The following ABLIM1 variants were observed in gnomAD, a reference collection of about 807,000 sequenced individuals.
ABLIM1 encodes the protein actin binding LIM protein 1, also known as actin-binding LIM protein 1.
Under a neutral mutation model 107.0 loss-of-function variants are expected in ABLIM1, and 40 were observed. The observed-to-expected ratio is 0.37, with a 90% confidence interval of 0.29 to 0.49. The LOEUF (loss-of-function observed/expected upper bound fraction) is 0.49, where lower values mean the gene tolerates loss of function less well. Ranked by LOEUF, ABLIM1 falls within the 20% of genes least tolerant of loss-of-function variation. The probability of loss-of-function intolerance (pLI) is 0.97; values close to 1 mark genes in which losing one functional copy is unlikely to be tolerated. For synonymous variants in ABLIM1, 357 were observed against 357.3 expected, an observed-to-expected ratio of 1.00 and a Z score of 0.01; for missense variants, 857 against 1,008.5, an observed-to-expected ratio of 0.85 and a Z score of 2.04.
the ABLIM1 span, among the ~76,000 whole-genome samples, chr10:114,791,465 C>T: frequency 0.37 from 55,718 of 151,644 alleles, 11,569 homozygotes; most frequent in Non-Finnish European, 0.48. Flanking sequence ...GGTGAAACCC[C>T]GTCTCTACTA....
chr10:114,684,242 C>T (rs995211479), intron 1 of ABLIM1: 3 of 1,564,606 alleles, frequency 1.9e-6, no homozygotes, highest in East Asian at 2.3e-5. Context: ...AAGACACGGT[C>T]GACCCCAGAC....
chr10:114,516,504 A>G (rs1475624928), intron 6 of ABLIM1, among the ~76,000 whole-genome samples: 1 of 152,154 alleles, frequency 6.6e-6, no homozygotes, highest in African/African-American at 2.4e-5. Flanking sequence ...AGCCTGGGTG[A>G]CAGAGCAAGA....
At chr10:114,453,513 T>A in intron 12 of ABLIM1, 30 bp from the exon 13 acceptor site, 3 of 1,478,630 alleles carry the variant, frequency 2.0e-6, no homozygotes, top group Non-Finnish European at 1.8e-6. Flanking sequence ...AAAAACAAAA[T>A]GAGAGAAGGG....
At chr10:114,612,590 A>C (rs2076882904) in intron 1 of ABLIM1, among the ~76,000 whole-genome samples, 1 of 152,236 alleles carries the variant, frequency 6.6e-6, no homozygotes, top group African/African-American at 2.4e-5. Flanking sequence ...CATTACAAAA[A>C]TCCCTTCTGA....
intron 2 of ABLIM1, among the ~76,000 whole-genome samples, chr10:114,599,039 T>C (rs2075735292): frequency 6.6e-6 from 1 of 152,138 alleles, no homozygotes; most frequent in Admixed American, 6.5e-5. Flanking sequence ...GGATAAGGCA[T>C]GGGGAACCTA....
At chr10:114,439,093 G>A in intron 21 of ABLIM1, 83 bp downstream of exon 21, 1 of 1,527,372 alleles carries the variant, frequency 6.5e-7, no homozygotes, top group Non-Finnish European at 9.1e-7. Flanking sequence ...ACAACACTTT[G>A]AGAATGATGA....
chr10:114,688,027 G>A (rs749081256), upstream of ABLIM1, among the ~76,000 whole-genome samples: 2 of 151,990 alleles, frequency 1.3e-5, no homozygotes, highest in Non-Finnish European at 2.9e-5. Context: ...TTAGGTTGGG[G>A]CAAAAGTCAT....
rs186959819 is a variant in ABLIM1 at position 114,438,245 on chromosome 10, C to T, written c.2143-321G>A. On this transcript the variant is annotated intron_variant, in intron 21 of 22. Transcript: ENST00000533213. ...TAGAAGATAATGGAAATTACAGGCACGTGTTTTTTGTTTTTGTTTTTCTTT... is the reference window on the plus strand; with the variant it reads ...TAGAAGATAATGGAAATTACAGGCATGTGTTTTTTGTTTTTGTTTTTCTTT... Among the ~76,000 whole-genome samples, 22 of 152,128 alleles carry T rather than the reference C, an allele frequency of 1.4e-4. No individual in the cohort carries two copies. The East Asian group carries it at 3.9e-3, about 27-fold the overall frequency.
intron 2 of ABLIM1, among the ~76,000 whole-genome samples, chr10:114,576,539 G>A (rs1401755567): frequency 2.0e-5 from 3 of 152,152 alleles, no homozygotes; most frequent in African/African-American, 7.2e-5. Context: ...GACAAGGTGA[G>A]TTCAATCAGT....
At chr10:114,440,503 T>A (rs1346522512) in intron 19 of ABLIM1, among the ~76,000 whole-genome samples, 1 of 152,128 alleles carries the variant, frequency 6.6e-6, no homozygotes, top group Non-Finnish European at 1.5e-5. Context: ...TGGAGTGCAG[T>A]GGCATGAACA....
intron 8 of ABLIM1, among the ~76,000 whole-genome samples, chr10:114,479,259 T>G (rs1161716139): frequency 1.3e-5 from 2 of 152,188 alleles, no homozygotes; most frequent in African/African-American, 4.8e-5. Flanking sequence ...GGGATTAGAC[T>G]AGGTTTCTCA....
In ABLIM1 at chr10:114,545,055, C is replaced by T. The variant is rs751544003; in HGVS notation, c.844G>A (p.Gly282Arg). The change falls in exon 6 of 23, where the codon GGG becomes AGG. Residue 282 changes from glycine to arginine, a missense_variant. Physicochemically the swap from Gly to Arg is moderately radical, Grantham distance 125. This residue lies in a region of ABLIM1 where 381 missense variants were observed against 506.9 expected (regional missense o/e 0.75). Coordinates refer to ENST00000533213, the MANE Select transcript of ABLIM1 (RefSeq NM_002313.7). ...YCEKDYQGLF[G>R]VKCEACHQFI... is the part of the protein sequence containing the mutation. Reference sequence around the variant, plus strand: ...TGGTGACACGCCTCACATTTCACCCCAAAGAGTCCCTGGTAGTCCTTTTCA... The same window carrying T: ...TGGTGACACGCCTCACATTTCACCCTAAAGAGTCCCTGGTAGTCCTTTTCA... The T allele has an allele frequency of 6.2e-7, 1 of 1,614,042 alleles. No individual in the cohort carries two copies. The highest frequency in any genetic ancestry group is 1.7e-5 in the Admixed American group (1 of 60,006).
At chr10:114,494,866 G>A (rs1212500217) in intron 6 of ABLIM1, among the ~76,000 whole-genome samples, 4 of 152,190 alleles carry the variant, frequency 2.6e-5, no homozygotes, top group East Asian at 3.9e-4. Context: ...AATAAAATGG[G>A]TAGAAATAAT....
At chr10:114,491,674 T>G in intron 7 of ABLIM1, 117 bp downstream of exon 7, 1 of 954,184 alleles carries the variant, frequency 1.0e-6, no homozygotes, top group Non-Finnish European at 1.6e-6. Flanking sequence ...TCTTCTTGGA[T>G]TTGGGTAGCC....
At chr10:114,569,812 G>T (rs1367271984) in intron 4 of ABLIM1, among the ~76,000 whole-genome samples, 1 of 152,150 alleles carries the variant, frequency 6.6e-6, no homozygotes, top group Non-Finnish European at 1.5e-5. Flanking sequence ...TTGCTTTGTA[G>T]CTGTCATCCT....
chr10:114,652,848 G>T (rs2141114829), intron 1 of ABLIM1, among the ~76,000 whole-genome samples: 1 of 152,352 alleles, frequency 6.6e-6, no homozygotes, highest in Admixed American at 6.5e-5. Flanking sequence ...CTACAGGAGA[G>T]TAAGGGAACA....
At chr10:114,664,603 G>A (rs1379703404) in intron 1 of ABLIM1, among the ~76,000 whole-genome samples, 1 of 151,638 alleles carries the variant, frequency 6.6e-6, no homozygotes, top group Admixed American at 6.6e-5. Flanking sequence ...GAGAGCAGTG[G>A]TGCGATCTTG....
intron 6 of ABLIM1, among the ~76,000 whole-genome samples, chr10:114,494,053 G>C (rs1452332147): frequency 6.6e-6 from 1 of 152,174 alleles, no homozygotes. Context: ...GGGCATGGGA[G>C]TAGAAAATAA....
At chr10:114,548,780 C>T (rs1045930330) in intron 4 of ABLIM1, among the ~76,000 whole-genome samples, 3 of 152,208 alleles carry the variant, frequency 2.0e-5, no homozygotes, top group African/African-American at 7.2e-5. Context: ...AAAGCAAGCA[C>T]GTGTCAAGTT....
Sources: allele counts gnomAD v4.1 joint callset (sites outside exome capture counted in the v4.1 genomes callset), GRCh38; gene constraint gnomAD v4.1.1; regional missense constraint gnomAD v4.1.1; transcripts MANE v1.5; gene names NCBI Gene and HGNC (gene_info 2026-07-23, HGNC 2026-07-21).